SFTPA2: variants seen among roughly 807,000 people sequenced by gnomAD.
The protein encoded by SFTPA2 is pulmonary surfactant-associated protein A2.
SFTPA2 carries 21 observed loss-of-function variants against 20.3 expected under a neutral mutation model. The observed-to-expected ratio is 1.03, with a 90% CI of 0.73 to 1.49. The LOEUF (loss-of-function observed/expected upper bound fraction) is 1.49. Ranked by LOEUF, SFTPA2 falls within the 40% of genes most tolerant of loss-of-function variation. The pLI is 0.00. For synonymous variants in SFTPA2, 116 were observed against 118.7 expected (o/e 0.98, Z 0.15); for missense variants, 302 against 314.8 (o/e 0.96, Z 0.31).
In SFTPA2 at chr10:79,556,555, A is replaced by C. The variant is rs1401886640; in HGVS notation, c.*654T>G. ...CTCCAGGTCAGGGGGCTGAGTTGGCATCCAAAGACTCAAAGGAGTGAATCG... is the reference window on the plus strand; with the variant it reads ...CTCCAGGTCAGGGGGCTGAGTTGGCCTCCAAAGACTCAAAGGAGTGAATCG... On this transcript the variant is annotated 3_prime_UTR_variant, in exon 6 of 6. Coordinates refer to ENST00000372325, the MANE Select transcript of SFTPA2 (RefSeq NM_001098668.4). The C allele has an allele frequency of 6.5e-6, 1 of 153,660 alleles. No individual in the cohort carries two copies. The highest frequency in any genetic ancestry group is 2.4e-5 in the African/African-American group (1 of 41,458). 9.5% of individuals were successfully genotyped at this position (153,660 alleles called of 1,614,324 possible). A position where few individuals can be genotyped will look rare whatever the true frequency, so the allele number is the denominator to read the frequency against.
Position 79,556,782 on chromosome 10 carries a change from C to T in SFTPA2, c.*427G>A. On this transcript the variant is annotated 3_prime_UTR_variant, in exon 6 of 6. Transcript: ENST00000372325. Reference sequence around the variant, plus strand: ...ATTATGCTTGGCCGGTACTGCTCATCCTGATGGCACTGGGCAGGCAGTGGG... The same window carrying T: ...ATTATGCTTGGCCGGTACTGCTCATTCTGATGGCACTGGGCAGGCAGTGGG... The T allele has an allele frequency of 3.1e-6, 1 of 318,696 alleles. No individual in the cohort carries two copies. Among genetic ancestry groups the T allele is most frequent in the Non-Finnish European group, 5.8e-6 (1 of 172,870 alleles). 19.7% of individuals were successfully genotyped at this position (318,696 alleles called of 1,614,324 possible). A position where few individuals can be genotyped will look rare whatever the true frequency, so the allele number is the denominator to read the frequency against.
Position 79,557,249 on chromosome 10 carries a change from C to T in SFTPA2, c.707G>A (p.Arg236Lys). The change falls in exon 6 of 6, where the codon AGG (arginine) becomes AAG (lysine). Residue 236 changes from arginine (R) to lysine (K), a missense_variant. Transcript: ENST00000372325. ...GGTCAGTCGGGAGTACAGGCAGTTC[C>T]TGTCATTCCACTGCCCATCTGTGTA... ...EMYTDGQWND[R>K]NCLYSRLTIC... The T allele has an allele frequency of 1.9e-6, 3 of 1,614,190 alleles. No homozygotes were observed. The South Asian group carries it at 3.3e-5, about 18-fold the overall frequency.
intron 2 of SFTPA2, 192 bp from the exon 3 acceptor site, chr10:79,559,698 C>T (rs1282835001): frequency 1.3e-6 from 2 of 1,550,864 alleles, no homozygotes; most frequent in Admixed American, 2.0e-5. Flanking sequence ...ATGCTTCAGG[C>T]CTCCGGCTGG....
At position 79,558,102 on chromosome 10, in the gene SFTPA2, A is replaced by G. The variant is rs1413908561; in HGVS notation, c.320T>C (p.Leu107Pro). ...PGLPAHLDEE[L>P]QATLHDFRHQ... is the part of the protein sequence containing the mutation. ...TCTGAAGTCGTGGAGTGTGGCTTGG[A>G]GCTCCTCATCTAGATGAGCTGGAAG... The change falls in exon 5 of 6, where the codon CTC (leucine) becomes CCC (proline). Residue 107 changes from leucine to proline, a missense_variant. By Grantham distance (98) the Leu-to-Pro change is moderately conservative. Coordinates refer to ENST00000372325, the MANE Select transcript of SFTPA2 (RefSeq NM_001098668.4). The G allele has an allele frequency of 1.2e-6, 2 of 1,613,714 alleles. No homozygotes were observed. The highest frequency in any genetic ancestry group is 1.7e-6 in the Non-Finnish European group (2 of 1,179,922).
intron 4 of SFTPA2, 36 bp from the exon 5 acceptor site, chr10:79,558,165 C>G: frequency 6.2e-7 from 1 of 1,613,778 alleles, no homozygotes. Context: ...GAGGGGCAGG[C>G]CAGTGAAGAC....
chr10:79,558,411 C>G (rs1287329003), intron 4 of SFTPA2, among the ~76,000 whole-genome samples: 3 of 143,816 alleles, frequency 2.1e-5, no homozygotes, highest in African/African-American at 7.7e-5. Context: ...CTCTGTGGGG[C>G]AAGTCCCTCT....
rs1859030795 is a variant in SFTPA2, at chr10:79,559,295, G to GGTCT, written c.172+13_172+16dup. The GGTCT allele has an allele frequency of 6.2e-7, 1 of 1,613,266 alleles. No individual in the cohort carries two copies. The highest frequency in any genetic ancestry group is 1.3e-5 in the African/African-American group (1 of 74,776). On this transcript the variant is annotated intron_variant, in intron 3 of 5. Transcript: ENST00000372325. ...GTCTGTGTCCCTCAGCTGAGGGTGG[G>GGTCT]GTCTGCAGCACAGTACCTGGAGGGC...
rs1049931367 is a variant in SFTPA2, at chr10:79,557,840, C to T, written c.370+212G>A. Among the ~76,000 whole-genome samples the T allele has an allele frequency of 8.5e-5, 13 of 152,338 alleles. No homozygotes were observed. In the South Asian group the frequency reaches 1.2e-3, roughly 15 times the overall value. ...AGGATTCAGTGGAAAGCAAGACAGG[C>T]AGAGAACTTGCTTTCTTATGAAATG... On this transcript the variant is annotated intron_variant, in intron 5 of 5. Transcript: ENST00000372325.
chr10:79,559,842 C>T, intron 2 of SFTPA2, 127 bp downstream of exon 2: 8 of 1,378,354 alleles, frequency 5.8e-6, no homozygotes, highest in South Asian at 1.5e-5. Context: ...GGCTTCACCT[C>T]TCTGATTTCA....
chr10:79,557,412 T>G lies in SFTPA2; in HGVS notation c.544A>C (p.Asn182His). The change falls in exon 6 of 6, where the codon AAC becomes CAC. Residue 182 changes from asparagine (N) to histidine (H), a missense_variant. By Grantham distance (68) the Asn-to-His change is moderately conservative. Around this residue, in one of 3 missense-constraint regions of SFTPA2, gnomAD observed 264 missense variants for 261.7 expected, o/e 1.01. Coordinates refer to ENST00000372325, the MANE Select transcript of SFTPA2 (RefSeq NM_001098668.4). ...EAIASFVKKY[N>H]TYAYVGLTEG... ...GTCAGGCCTACATAGGCATATGTGT[T>G]GTACTTCTTCACGAAGCTTGCAATG... is the stretch of plus-strand genomic sequence containing the variant. The G allele has an allele frequency of 3.1e-6, 5 of 1,613,958 alleles. No individual in the cohort carries two copies. The highest frequency in any genetic ancestry group is 3.4e-6 in the Non-Finnish European group (4 of 1,179,870).
intron 4 of SFTPA2, 73 bp downstream of exon 4, chr10:79,558,813 C>G: frequency 6.2e-7 from 1 of 1,611,988 alleles, no homozygotes; most frequent in Non-Finnish European, 8.5e-7. Context: ...GTCTGACCCC[C>G]ATCACCCCTG....
intron 2 of SFTPA2, chr10:79,559,708 G>A: frequency 6.4e-7 from 1 of 1,550,494 alleles, no homozygotes; most frequent in South Asian, 1.2e-5. Context: ...CCTCCGGCTG[G>A]AGGTTGTGGG....
intron 4 of SFTPA2, 29 bp from the exon 5 acceptor site, chr10:79,558,158 G>C (rs368621958): frequency 6.2e-7 from 1 of 1,613,836 alleles, no homozygotes; most frequent in East Asian, 2.2e-5. Context: ...ACAGAAGGAG[G>C]GGCAGGCCAG....
chr10:79,558,091 G>A lies in SFTPA2; in HGVS notation c.331C>T (p.Leu111Phe). 6.2e-7 allele frequency: 1 copy of A among 1,614,088 alleles called. No homozygotes were observed. Among genetic ancestry groups the A allele is most frequent in the East Asian group, 2.2e-5 (1 of 44,850 alleles). The change falls in exon 5 of 6, where the codon CTC (leucine) becomes TTC (phenylalanine). Residue 111 changes from leucine (L) to phenylalanine (F), a missense_variant. Around this residue, in one of 3 missense-constraint regions of SFTPA2, gnomAD observed 264 missense variants for 261.7 expected, o/e 1.01. Transcript: ENST00000372325. ...AHLDEELQAT[L>F]HDFRHQILQT... ...AGGATTTGATGTCTGAAGTCGTGGA[G>A]TGTGGCTTGGAGCTCCTCATCTAGA...
chr10:79,559,684 C>G, intron 2 of SFTPA2, 178 bp from the exon 3 acceptor site: 1 of 1,551,536 alleles, frequency 6.4e-7, no homozygotes, highest in Non-Finnish European at 8.7e-7. Context: ...CCTGGCATGG[C>G]CTCATGCTTC....
chr10:79,559,902 G>C (rs1421498860), intron 2 of SFTPA2, 67 bp downstream of exon 2: 5 of 1,378,298 alleles, frequency 3.6e-6, no homozygotes, highest in Non-Finnish European at 4.7e-6. Flanking sequence ...CTCCCAGGCT[G>C]TTAGAAGGAA....
rs1328111787 is a variant in SFTPA2 at position 79,557,586 on chromosome 10, C to T, written c.371-1G>A. The T allele has an allele frequency of 6.2e-7, 1 of 1,603,254 alleles. No individual in the cohort carries two copies. The highest frequency in any genetic ancestry group is 1.3e-5 in the African/African-American group (1 of 74,268). On this transcript the variant is annotated splice_acceptor_variant, in intron 5 of 5. Coordinates refer to ENST00000372325, the MANE Select transcript of SFTPA2 (RefSeq NM_001098668.4). LOFTEE classifies it high-confidence loss of function. ...ATTATGGAGCCCTGCAGACTGAGGG[C>T]TGAGAGCAGAGGAGTCCAGGTCAGG...
chr10:79,558,835 T>G (rs1374813608), intron 4 of SFTPA2, 51 bp downstream of exon 4: 1 of 1,608,994 alleles, frequency 6.2e-7, no homozygotes, highest in Admixed American at 1.7e-5. Context: ...GTAACTGACT[T>G]CAGGTCGCTG....
chr10:79,558,731 C>CG (rs1321512936), intron 4 of SFTPA2, among the ~76,000 whole-genome samples, 155 bp downstream of exon 4: 2 of 152,164 alleles, frequency 1.3e-5, no homozygotes, highest in African/African-American at 2.4e-5. Flanking sequence ...CCAGACACCT[C>CG]GGCTTTCTCC....
Sources: gnomAD v4.1 joint callset for allele counts (sites outside exome capture counted in the v4.1 genomes callset) on GRCh38, gnomAD v4.1.1 for gene constraint, gnomAD v4.1.1 regional missense constraint, MANE v1.5 for transcripts, NCBI Gene and HGNC (gene_info 2026-07-23, HGNC 2026-07-21) for gene names.